TPP2: variants seen among roughly 807,000 people sequenced by gnomAD.
The protein encoded by TPP2 is tripeptidyl-peptidase 2.
A neutral mutation model predicts 155.9 loss-of-function variants in TPP2; 34 were observed. The ratio of observed to expected loss-of-function variants is 0.22; its 90% CI spans 0.17 to 0.29. The LOEUF is 0.29. TPP2 is among the 10% of genes least tolerant of loss of function. TPP2 has a pLI of 1.00. For missense variants in TPP2, 1,028 were observed against 1,522.3 expected (o/e 0.68, Z 5.40); for synonymous variants, 510 against 529.4 (o/e 0.96, Z 0.50).
chr13:102,638,058 A>C (rs1882501075), intron 14 of TPP2, among the ~76,000 whole-genome samples, 181 bp from the exon 15 acceptor site: 2 of 152,172 alleles, frequency 1.3e-5, no homozygotes, highest in Non-Finnish European at 2.9e-5. Context: ...AAATGTTGCT[A>C]TACATTTGTT....
chr13:102,617,625 T>C (rs1052785303), intron 4 of TPP2, among the ~76,000 whole-genome samples: 3 of 152,234 alleles, frequency 2.0e-5, no homozygotes, highest in African/African-American at 7.2e-5. Flanking sequence ...ATTGCACAGC[T>C]AAGTTGCTGA....
chr13:102,632,043 C>T (rs1030359200), intron 10 of TPP2, among the ~76,000 whole-genome samples: 1 of 152,130 alleles, frequency 6.6e-6, no homozygotes, highest in African/African-American at 2.4e-5. Flanking sequence ...CACTTGAGGT[C>T]AGGAGTTCAA....
intron 2 of TPP2, among the ~76,000 whole-genome samples, chr13:102,612,310 A>G (rs1880383063): frequency 6.6e-6 from 1 of 152,144 alleles, no homozygotes; most frequent in African/African-American, 2.4e-5. Flanking sequence ...TAACACTCAG[A>G]TGACACTTAG....
chr13:102,632,453 G>A (rs1042346424), intron 10 of TPP2, among the ~76,000 whole-genome samples: 1 of 151,958 alleles, frequency 6.6e-6, no homozygotes, highest in Non-Finnish European at 1.5e-5. Context: ...TGTTGGCCAG[G>A]CTGGTCTTGA....
chr13:102,607,673 G>A, intron 2 of TPP2: 1 of 448,082 alleles, frequency 2.2e-6, no homozygotes, highest in Non-Finnish European at 4.5e-6. Flanking sequence ...CTCGACCTCT[G>A]CTTCCTGTAT....
At chr13:102,639,395 A>T (rs575819042) in intron 15 of TPP2, among the ~76,000 whole-genome samples, 1 of 152,284 alleles carries the variant, frequency 6.6e-6, no homozygotes, top group African/African-American at 2.4e-5. Flanking sequence ...AAAGTGGTAT[A>T]CATGTGGAAA....
rs142773153 is a variant in TPP2 at position 102,659,139 on chromosome 13, G to A, written c.3143+1932G>A. 2.3e-3 allele frequency among the ~76,000 whole-genome samples: 357 copies of A among 152,250 alleles called. 1 individual carries two copies. The highest frequency in any genetic ancestry group is 0.01 in the Middle Eastern group (3 of 294). On this transcript the variant is annotated intron_variant, in intron 25 of 29. Coordinates refer to ENST00000376052, the MANE Select transcript of TPP2 (RefSeq NM_001330588.2). ...ATTGACTTCATTTGCAACAGAAGAT[G>A]GAGAAGTCCGTGTGCCTTAAGGGCT... is the stretch of plus-strand genomic sequence containing the variant.
chr13:102,648,904 C>T lies in TPP2; in HGVS notation c.2629-3C>T, dbSNP rs536860954. On this transcript the variant is annotated splice_polypyrimidine_tract_variant and splice_region_variant and intron_variant, in intron 21 of 29. Transcript: ENST00000376052. ...TTTCCCAAATGTTGTTTTTCTTTTT[C>T]AGTATTCTTTGAAACTGGAGAAAGG... The T allele has an allele frequency of 1.3e-6, 2 of 1,575,590 alleles. No individual in the cohort carries two copies. Among genetic ancestry groups the T allele is most frequent in the Admixed American group, 2.0e-5 (1 of 49,420 alleles).
chr13:102,622,507 G>T (rs1881236992), intron 5 of TPP2, among the ~76,000 whole-genome samples: 1 of 152,190 alleles, frequency 6.6e-6, no homozygotes, highest in Admixed American at 6.5e-5. Context: ...GATTCTTGAA[G>T]CCATTACTAA....
At chr13:102,621,791 G>A (rs953910346) in intron 5 of TPP2, among the ~76,000 whole-genome samples, 2 of 152,158 alleles carry the variant, frequency 1.3e-5, no homozygotes, top group Non-Finnish European at 2.9e-5. Flanking sequence ...AGAACAGAGG[G>A]AGGACTTTGT....
intron 25 of TPP2, among the ~76,000 whole-genome samples, chr13:102,663,123 TTTATTTA>T (rs1343635643): frequency 2.4e-5 from 2 of 84,324 alleles, no homozygotes; most frequent in Non-Finnish European, 4.5e-5. Flanking sequence ...GTTTGATTTA[TTTATTTA>T]TTTTTTTTAA....
chr13:102,640,882 C>T (rs1449413776), intron 16 of TPP2, among the ~76,000 whole-genome samples: 2 of 152,026 alleles, frequency 1.3e-5, no homozygotes, highest in Admixed American at 6.6e-5. Flanking sequence ...GATCTCTTGA[C>T]CTCGTGATAC....
At chr13:102,609,571 A>G (rs529052103) in intron 2 of TPP2, among the ~76,000 whole-genome samples, 1 of 151,578 alleles carries the variant, frequency 6.6e-6, no homozygotes, top group East Asian at 1.9e-4. Flanking sequence ...CTAATTTTGT[A>G]TTTTTAGTAG....
chr13:102,607,621 C>A, intron 2 of TPP2: 1 of 445,018 alleles, frequency 2.2e-6, no homozygotes, highest in South Asian at 1.6e-5. Context: ...GAGTCTTACT[C>A]TGTCGCCCAG....
chr13:102,676,215 A>C (rs1473024445), intron 28 of TPP2, 81 bp from the exon 29 acceptor site: 1 of 1,284,522 alleles, frequency 7.8e-7, no homozygotes, highest in Non-Finnish European at 1.1e-6. Context: ...CTTCTGTTAA[A>C]GCCTTAATTT....
At position 102,676,394 on chromosome 13, in the gene TPP2, A is replaced by T. The variant is rs762204578; in HGVS notation, c.3678A>T (p.Glu1226Asp). The T allele has an allele frequency of 2.2e-5, 35 of 1,610,684 alleles. No individual in the cohort carries two copies. Among genetic ancestry groups the T allele is most frequent in the Non-Finnish European group, 3.0e-5 (35 of 1,177,774 alleles). Residue 1226 changes from glutamate (E) to aspartate (D), a missense_variant, in exon 29 of 30, where the codon GAA becomes GAT. Glu to Asp is a conservative substitution (Grantham distance 45, BLOSUM62 2). Coordinates refer to ENST00000376052, the MANE Select transcript of TPP2 (RefSeq NM_001330588.2). Reference sequence around the variant, plus strand: ...TTGTGGAAGAAAAACCAACAAAAGAAAACTGGAAAAATTGTATTCAAGTAA... The same window carrying T: ...TTGTGGAAGAAAAACCAACAAAAGATAACTGGAAAAATTGTATTCAAGTAA... ...TKLVEEKPTK[E>D]NWKNCIQLMK...
intron 10 of TPP2, among the ~76,000 whole-genome samples, chr13:102,630,895 C>T (rs927765145): frequency 6.6e-6 from 1 of 152,112 alleles, no homozygotes; most frequent in East Asian, 1.9e-4. Flanking sequence ...TCAGCAAATA[C>T]CTTAGTGCCT....
At chr13:102,626,181 A>G (rs138302855) in intron 6 of TPP2, among the ~76,000 whole-genome samples, 3 of 152,332 alleles carry the variant, frequency 2.0e-5, no homozygotes, top group East Asian at 1.9e-4. Context: ...AGTTTGGACC[A>G]TATGATGTTG....
At chr13:102,645,746 T>G (rs960517829) in intron 19 of TPP2, among the ~76,000 whole-genome samples, 1 of 152,246 alleles carries the variant, frequency 6.6e-6, no homozygotes, top group African/African-American at 2.4e-5. Context: ...TAAACTATAT[T>G]TAAAACTTAC....
Sources: gnomAD v4.1 joint callset for allele counts (sites outside exome capture counted in the v4.1 genomes callset) on GRCh38, gnomAD v4.1.1 for gene constraint, MANE v1.5 for transcripts, NCBI Gene and HGNC (gene_info 2026-07-23, HGNC 2026-07-21) for gene names.